Variants in SRPK2 observed in about 807,000 individuals in gnomAD.
SRPK2 encodes SRSF protein kinase 2.
SRPK2 carries 21 observed loss-of-function variants against 90.8 expected under a neutral mutation model. That is an observed-to-expected ratio of 0.23 (90% confidence interval 0.16 to 0.33). The LOEUF (loss-of-function observed/expected upper bound fraction) is 0.33, where lower values mean the gene tolerates loss of function less well. SRPK2 is among the 10% of genes least tolerant of loss of function. The pLI is 1.00. For synonymous variants in SRPK2, 288 were observed against 311.1 expected, an observed-to-expected ratio of 0.93 and a Z score of 0.78; for missense variants, 620 against 869.0, an observed-to-expected ratio of 0.71 and a Z score of 3.60.
At chr7:105,267,747 A>G (rs1282636508) in intron 2 of SRPK2, among the ~76,000 whole-genome samples, 1 of 152,198 alleles carries the variant, frequency 6.6e-6, no homozygotes, top group African/African-American at 2.4e-5. Flanking sequence ...AATCCATTTT[A>G]CCATGGTAGG....
chr7:105,187,455 C>A (rs1360672121), intron 3 of SRPK2, among the ~76,000 whole-genome samples: 1 of 152,174 alleles, frequency 6.6e-6, no homozygotes, highest in East Asian at 1.9e-4. Context: ...GCTAATATAT[C>A]CTCACCTTGA....
chr7:105,186,889 G>A (rs960909393), intron 3 of SRPK2, among the ~76,000 whole-genome samples: 1 of 152,188 alleles, frequency 6.6e-6, no homozygotes, highest in Non-Finnish European at 1.5e-5. Flanking sequence ...AAAGGGCATG[G>A]ATAGGTGCTC....
intron 11 of SRPK2, among the ~76,000 whole-genome samples, chr7:105,133,882 A>C (rs1802398274): frequency 6.6e-6 from 1 of 152,104 alleles, no homozygotes; most frequent in African/African-American, 2.4e-5. Context: ...CCAGCTTCCC[A>C]GAGATTCTGG....
intron 2 of SRPK2, among the ~76,000 whole-genome samples, chr7:105,239,304 CT>C (rs758408260): frequency 1.3e-5 from 2 of 152,174 alleles, no homozygotes; most frequent in Non-Finnish European, 2.9e-5. Context: ...CAAACAAAAG[CT>C]ACAATTTAAC....
intron 2 of SRPK2, among the ~76,000 whole-genome samples, chr7:105,289,130 C>T (rs901479869): frequency 3.4e-5 from 5 of 147,574 alleles, no homozygotes; most frequent in African/African-American, 5.0e-5. Context: ...AAAAATTAGC[C>T]GGGCATGGTG....
At chr7:105,329,018 AAAAAT>A (rs1377531757) in intron 2 of SRPK2, among the ~76,000 whole-genome samples, 1 of 152,080 alleles carries the variant, frequency 6.6e-6, no homozygotes, top group Non-Finnish European at 1.5e-5. Context: ...CCATCCCTTA[AAAAAT>A]AAAATAAATA....
At chr7:105,115,033 A>G (rs1002284762), downstream of SRPK2, among the ~76,000 whole-genome samples, 3 of 152,210 alleles carry the variant, frequency 2.0e-5, no homozygotes, top group African/African-American at 7.2e-5. Context: ...TTGTCCTTCT[A>G]AGCATTTTAA....
At chr7:105,233,153 G>A (rs944718087) in intron 2 of SRPK2, among the ~76,000 whole-genome samples, 6 of 106,200 alleles carry the variant, frequency 5.6e-5, no homozygotes, top group Admixed American at 1.8e-4. Flanking sequence ...GGAAGGAAGG[G>A]GAAAGGGAAG....
chr7:105,389,324 C>G (rs1237181810), upstream of SRPK2: 2 of 1,281,070 alleles, frequency 1.6e-6, no homozygotes, highest in African/African-American at 1.5e-5. Context: ...CCTCTCTTCC[C>G]GCGGCCTCTT....
At chr7:105,121,410 A>G (rs928080246) in intron 15 of SRPK2, among the ~76,000 whole-genome samples, 14 of 152,130 alleles carry the variant, frequency 9.2e-5, no homozygotes, top group African/African-American at 3.4e-4. Context: ...AAATATATGA[A>G]GATGTGTTTC....
At chr7:105,294,512 TTTTTGTTTTGTTTTG>T (rs10594080) in intron 2 of SRPK2, among the ~76,000 whole-genome samples, 14 of 149,988 alleles carry the variant, frequency 9.3e-5, no homozygotes, top group Non-Finnish European at 1.2e-4. Context: ...TGTTGCTGTT[TTTTTGTTTTGTTTTG>T]TTTTGTTTTG....
intron 3 of SRPK2, among the ~76,000 whole-genome samples, chr7:105,185,920 A>G (rs1397322123): frequency 6.6e-6 from 1 of 152,182 alleles, no homozygotes; most frequent in Non-Finnish European, 1.5e-5. Context: ...TTAGATAAAT[A>G]CATGTCCTAA....
chr7:105,139,700 AT>A (rs1250426425), intron 11 of SRPK2, among the ~76,000 whole-genome samples: 1 of 152,122 alleles, frequency 6.6e-6, no homozygotes, highest in East Asian at 1.9e-4. Context: ...TCAATGGGAA[AT>A]TTTTCAATAT....
At chr7:105,216,969 A>G (rs1797549743) in intron 2 of SRPK2, among the ~76,000 whole-genome samples, 1 of 152,214 alleles carries the variant, frequency 6.6e-6, no homozygotes. Context: ...TAGGCATTCA[A>G]TAAAGGTTAA....
chr7:105,237,844 T>C (rs898460812), intron 2 of SRPK2, among the ~76,000 whole-genome samples: 2 of 152,162 alleles, frequency 1.3e-5, no homozygotes, highest in African/African-American at 2.4e-5. Flanking sequence ...TGGTTATAGG[T>C]GCATTATAAA....
At chr7:105,335,388 C>T (rs1418431482) in intron 2 of SRPK2, among the ~76,000 whole-genome samples, 1 of 151,952 alleles carries the variant, frequency 6.6e-6, no homozygotes, top group Admixed American at 6.6e-5. Flanking sequence ...GGCTGGATGT[C>T]GTGGCTCACA....
rs559489224 is a variant in SRPK2, at chr7:105,124,785, C to A, written c.1915+1463G>T. On this transcript the variant is annotated intron_variant, in intron 15 of 15. Transcript: ENST00000393651. ...GTTCTTTATTAAGGGCTGTCACATC[C>A]AAAAAAAAAATCTAACCTGAAAAAT... Among the ~76,000 whole-genome samples, 14 of 148,530 alleles carry A rather than the reference C, an allele frequency of 9.4e-5. No homozygotes were observed. In the South Asian group the frequency reaches 2.8e-3, roughly 30 times the overall value.
At chr7:105,331,727 T>G (rs2040914) in intron 2 of SRPK2, among the ~76,000 whole-genome samples, 1 of 151,948 alleles carries the variant, frequency 6.6e-6, no homozygotes, top group Non-Finnish European at 1.5e-5. Flanking sequence ...GCACAAAAAG[T>G]GTACGGAAAG....
At chr7:105,237,485 C>G (rs73186024) in intron 2 of SRPK2, among the ~76,000 whole-genome samples, 1 of 152,330 alleles carries the variant, frequency 6.6e-6, no homozygotes, top group Non-Finnish European at 1.5e-5. Context: ...CAACTCAAAG[C>G]TCAGAGGAGC....
Sources: gnomAD v4.1 joint callset for allele counts (sites outside exome capture counted in the v4.1 genomes callset) on GRCh38, gnomAD v4.1.1 for gene constraint, MANE v1.5 for transcripts, NCBI Gene and HGNC (gene_info 2026-07-23, HGNC 2026-07-21) for gene names.